PTGES3: variants seen among roughly 807,000 people sequenced by gnomAD.
The protein encoded by PTGES3 is Hsp90 co-chaperone.
A neutral mutation model predicts 29.9 loss-of-function variants in PTGES3; 5 were observed. The observed-to-expected ratio is 0.17, with a 90% confidence interval of 0.09 to 0.35. PTGES3 has a LOEUF of 0.35. Among genes scored for constraint, PTGES3 ranks in the 10% least tolerant of loss-of-function variants. The probability of loss-of-function intolerance (pLI) is 1.00; values close to 1 mark genes in which losing one functional copy is unlikely to be tolerated. For missense variants in PTGES3, 128 were observed against 190.0 expected, an observed-to-expected ratio of 0.67 and a Z score of 1.92; for synonymous variants, 49 against 57.8, an observed-to-expected ratio of 0.85 and a Z score of 0.69.
At chr12:56,672,844 T>C in intron 2 of PTGES3, 35 bp from the exon 3 acceptor site, 1 of 1,555,088 alleles carries the variant, frequency 6.4e-7, no homozygotes, top group Non-Finnish European at 8.7e-7. Flanking sequence ...TTAAGCCTCT[T>C]CAAAGAGACA....
At chr12:56,670,868 A>G (rs1951975025) in intron 4 of PTGES3, 1 of 154,050 alleles carries the variant, frequency 6.5e-6, no homozygotes, top group African/African-American at 2.4e-5. Flanking sequence ...TGGGTGGCCA[A>G]GGTGGAAAGA....
rs1311121680 is a variant in PTGES3 at position 56,688,207 on chromosome 12, G to A, written c.-208C>T. ...GCGGAAAGAGCGGCTCCTCCGGTCGGGGAGAAGAGGAAAGTGTAGGAAAAG... is the reference window on the plus strand; with the variant it reads ...GCGGAAAGAGCGGCTCCTCCGGTCGAGGAGAAGAGGAAAGTGTAGGAAAAG... On this transcript the variant is annotated 5_prime_UTR_variant, in exon 1 of 8. Transcript: ENST00000262033. 5 of 886,470 alleles carry A rather than the reference G, an allele frequency of 5.6e-6. No homozygotes were observed. Among genetic ancestry groups the A allele is most frequent in the East Asian group, 3.3e-5 (1 of 30,308 alleles). 54.9% of individuals were successfully genotyped at this position (886,470 alleles called of 1,614,324 possible).
chr12:56,687,924 GC>G, intron 1 of PTGES3, 73 bp downstream of exon 1: 1 of 1,603,482 alleles, frequency 6.2e-7, no homozygotes, highest in Non-Finnish European at 8.5e-7. Flanking sequence ...AGGCTAGGGG[GC>G]CGCTTCCAGG....
intron 1 of PTGES3, among the ~76,000 whole-genome samples, chr12:56,683,616 C>A (rs1488438217): frequency 6.6e-6 from 1 of 151,724 alleles, no homozygotes; most frequent in Non-Finnish European, 1.5e-5. Flanking sequence ...CACCAGTTCA[C>A]TCCAGCCTGG....
rs149223949 is a variant in PTGES3 at position 56,676,793 on chromosome 12, C to T, written c.3-3728G>A. ...CAAAAATTAGACAGGCATGGTGGCG[C>T]GCTCCTATAGTCCCAGCTACTTGGG... is the stretch of plus-strand genomic sequence containing the variant. On this transcript the variant is annotated intron_variant, in intron 1 of 7. Transcript: ENST00000262033. Among the ~76,000 whole-genome samples, 1,314 of 151,704 alleles carry T rather than the reference C, an allele frequency of 8.7e-3. 17 individuals carry two copies. Among genetic ancestry groups the T allele is most frequent in the Middle Eastern group, 0.041 (12 of 294 alleles).
In PTGES3 at chr12:56,666,623, T is replaced by C. The variant is rs868665085; in HGVS notation, c.376-357A>G. Among the ~76,000 whole-genome samples, 13 of 151,710 alleles carry C rather than the reference T, an allele frequency of 8.6e-5. 1 individual carries two copies. In the Middle Eastern group the frequency reaches 0.01, roughly 119 times the overall value. ...TCTATCTTAAGTTAGGTGGAACATG[T>C]ATTAAGGTATTCTTTTTTTTTTGAG... On this transcript the variant is annotated intron_variant, in intron 5 of 7. Transcript: ENST00000262033.
chr12:56,665,187 A>G (rs1951739074), intron 6 of PTGES3: 1 of 985,264 alleles, frequency 1.0e-6, no homozygotes, highest in Non-Finnish European at 1.2e-6. Context: ...ATAGCATTAA[A>G]TAACTTTCTG....
chr12:56,674,825 C>CAAAAAAAAAAAAAAAAAAAAAAAAAA (rs869222252), intron 1 of PTGES3, among the ~76,000 whole-genome samples: 1 of 16,110 alleles, frequency 6.2e-5, no homozygotes, highest in Non-Finnish European at 9.6e-5. Flanking sequence ...GACTCCATCT[C>CAAAAAAAAAAAAAAAAAAAAAAAAAA]AAAAAAAAAA....
At chr12:56,687,929 T>C in intron 1 of PTGES3, 69 bp downstream of exon 1, 3 of 1,604,554 alleles carry the variant, frequency 1.9e-6, no homozygotes, top group Non-Finnish European at 2.5e-6. Flanking sequence ...AGGGGGCCGC[T>C]TCCAGGGAGC....
chr12:56,687,005 CAAAAAAA>C (rs11297744), intron 1 of PTGES3: 46 of 86,540 alleles, frequency 5.3e-4, no homozygotes, highest in East Asian at 1.2e-3. Flanking sequence ...AACCTCCCGT[CAAAAAAA>C]AAAAAAAAAA....
chr12:56,676,579 A>AT (rs773001972), intron 1 of PTGES3, among the ~76,000 whole-genome samples: 14 of 152,186 alleles, frequency 9.2e-5, no homozygotes, highest in African/African-American at 3.1e-4. Context: ...CAAGAAAGTA[A>AT]TTTTTTTAAA....
rs757652842 is a variant in PTGES3 at position 56,687,205 on chromosome 12, C to T, written c.2+793G>A. On this transcript the variant is annotated intron_variant, in intron 1 of 7. Coordinates refer to ENST00000262033, the MANE Select transcript of PTGES3 (RefSeq NM_006601.7). The stretch of plus-strand genomic sequence containing the variant: ...CTGTAGGTTAATTAAATGCCTACTA[C>T]ATACCTATTTCATCCTACACTGTAA... 2.8e-6 allele frequency: 3 copies of T among 1,061,082 alleles called. No homozygotes were observed. In the South Asian group the frequency reaches 1.4e-4, roughly 49 times the overall value. 65.7% of individuals were successfully genotyped at this position (1,061,082 alleles called of 1,614,324 possible). A position where few individuals can be genotyped will look rare whatever the true frequency, so the allele number is the denominator to read the frequency against.
chr12:56,680,551 A>G (rs1952484643), intron 1 of PTGES3, among the ~76,000 whole-genome samples: 1 of 151,192 alleles, frequency 6.6e-6, no homozygotes, highest in Non-Finnish European at 1.5e-5. Context: ...AGGCCTAGCA[A>G]TTTTTTTTAA....
rs140684689 is a variant in PTGES3 at position 56,679,135 on chromosome 12, G to A, written c.3-6070C>T. ...CTGACTTAGAGAAGCATGGAGACCAGGAGTGATGGCTCACATCTAATATCA... is the reference window on the plus strand; with the variant it reads ...CTGACTTAGAGAAGCATGGAGACCAAGAGTGATGGCTCACATCTAATATCA... On this transcript the variant is annotated intron_variant, in intron 1 of 7. Transcript: ENST00000262033. 3.5e-3 allele frequency among the ~76,000 whole-genome samples: 536 copies of A among 152,104 alleles called. 3 individuals carry two copies. The highest frequency in any genetic ancestry group is 0.011 in the African/African-American group (472 of 41,484).
At chr12:56,677,494 G>C (rs1952309782) in intron 1 of PTGES3, among the ~76,000 whole-genome samples, 1 of 152,046 alleles carries the variant, frequency 6.6e-6, no homozygotes, top group South Asian at 2.1e-4. Context: ...TGTCTTAGCA[G>C]CCTAGTAGCT....
rs12303391 is a variant in PTGES3, at chr12:56,671,779, T to C, written c.255A>G (p.Ser85=). 132 of 1,573,492 alleles carry C rather than the reference T, an allele frequency of 8.4e-5. 1 individual carries two copies. The African/African-American group carries it at 1.7e-3, about 20-fold the overall frequency. The stretch of plus-strand genomic sequence containing the variant: ...CCCTTTCTTTTGTTAACCTTGGCCA[T>C]GACTGGCCAGATTCTCCTTTTCGTA... ...CCLRKGESGQ[S]WPRLTKERAK... Residue 85 remains serine (S), a synonymous_variant, in exon 4 of 8, where the codon TCA becomes TCG. Transcript: ENST00000262033.
At chr12:56,669,176 T>C (rs1951900937) in intron 5 of PTGES3, among the ~76,000 whole-genome samples, 1 of 151,142 alleles carries the variant, frequency 6.6e-6, no homozygotes, top group African/African-American at 2.4e-5. Context: ...CGCCTAGCTA[T>C]TTTTTTGTAG....
chr12:56,677,451 T>TGAC (rs2137667018), intron 1 of PTGES3, among the ~76,000 whole-genome samples: 1 of 152,226 alleles, frequency 6.6e-6, no homozygotes, highest in East Asian at 1.9e-4. Context: ...GTTGCTTTGA[T>TGAC]GACATAGCTG....
At chr12:56,687,184 AG>A (rs1952914870) in intron 1 of PTGES3, 1 of 1,045,346 alleles carries the variant, frequency 9.6e-7, no homozygotes, top group African/African-American at 1.6e-5. Context: ...GGACGACTGT[AG>A]GTTAATTAAA....
Sources: allele counts gnomAD v4.1 joint callset (sites outside exome capture counted in the v4.1 genomes callset), GRCh38; gene constraint gnomAD v4.1.1; transcripts MANE v1.5; gene names NCBI Gene and HGNC (gene_info 2026-07-23, HGNC 2026-07-21).